Variants in TMC5 observed in about 807,000 individuals in gnomAD.
TMC5 encodes transmembrane channel like 5, also known as transmembrane channel-like protein 5.
Under a neutral mutation model 110.5 loss-of-function variants are expected in TMC5, and 86 were observed. The observed-to-expected ratio is 0.78, with a 90% CI of 0.65 to 0.93. TMC5 has a LOEUF of 0.93. TMC5 is among the 40% of genes least tolerant of loss of function. The pLI, the probability that TMC5 is intolerant of heterozygous loss-of-function variation, is 0.00. For missense variants in TMC5, 1,144 were observed against 1,222.8 expected, an observed-to-expected ratio of 0.94 and a Z score of 0.96; for synonymous variants, 455 against 439.5, an observed-to-expected ratio of 1.04 and a Z score of -0.44.
intron 14 of TMC5, among the ~76,000 whole-genome samples, chr16:19,480,182 CCATGTCAGTA>C (rs1426830461): frequency 1.3e-5 from 2 of 152,078 alleles, no homozygotes; most frequent in Non-Finnish European, 2.9e-5. Context: ...TGACATCTTT[CCATGTCAGTA>C]CATGTAGATT....
At chr16:19,416,588 T>C (rs1399334855), upstream of TMC5, among the ~76,000 whole-genome samples, 1 of 152,130 alleles carries the variant, frequency 6.6e-6, no homozygotes. Context: ...TGTAGGTTAA[T>C]GGGGAGGAAA....
chr16:19,460,106 T>G, intron 5 of TMC5, 129 bp from the exon 6 acceptor site: 1 of 572,824 alleles, frequency 1.7e-6, no homozygotes, highest in Non-Finnish European at 3.0e-6. Flanking sequence ...TTTTCCTTTG[T>G]GATCTTTGAG....
At position 19,448,149 on chromosome 16, in the gene TMC5, C is replaced by CAA. The variant is rs36050231; in HGVS notation, c.959-1376_959-1375dup. On this transcript the variant is annotated intron_variant, in intron 4 of 21. Transcript: ENST00000542583. ...CCAGCCTGTGTGACAGAGCAAGTCTCAAAAAAAAAAAAAAAAAAGAGTGGA... is the reference window on the plus strand; with the variant it reads ...CCAGCCTGTGTGACAGAGCAAGTCTCAAAAAAAAAAAAAAAAAAAAGAGTGGA... 1.4e-3 allele frequency among the ~76,000 whole-genome samples: 108 copies of CAA among 76,454 alleles called. 1 individual carries two copies. Among genetic ancestry groups the CAA allele is most frequent in the African/African-American group, 3.3e-3 (90 of 27,164 alleles). 50.2% of individuals were successfully genotyped at this position (76,454 alleles called of 152,430 possible). A position where few individuals can be genotyped will look rare whatever the true frequency, so the allele number is the denominator to read the frequency against.
At chr16:19,470,568 GA>G (rs1001069529) in intron 10 of TMC5, among the ~76,000 whole-genome samples, 1 of 151,962 alleles carries the variant, frequency 6.6e-6, no homozygotes, top group Non-Finnish European at 1.5e-5. Context: ...CAATTGGGAA[GA>G]GGGGTGCTCT....
chr16:19,449,723 A>G, intron 5 of TMC5, 92 bp downstream of exon 5: 2 of 1,140,244 alleles, frequency 1.8e-6, no homozygotes, highest in South Asian at 1.3e-5. Flanking sequence ...GTGGGAGGTG[A>G]TTGGATCATG....
At chr16:19,494,171 CG>C in intron 19 of TMC5, 90 bp from the exon 20 acceptor site, 1 of 1,007,454 alleles carries the variant, frequency 9.9e-7, no homozygotes, top group Non-Finnish European at 1.5e-6. Flanking sequence ...GCCTGAAAAC[CG>C]ACGTTCTTCC....
chr16:19,422,120 G>A (rs1041643569), intron 1 of TMC5, among the ~76,000 whole-genome samples: 7 of 151,320 alleles, frequency 4.6e-5, no homozygotes, highest in African/African-American at 1.5e-4. Flanking sequence ...AGTCCCAACT[G>A]CTCAGGAGGC....
At chr16:19,431,967 A>G (rs745621182) in intron 2 of TMC5, among the ~76,000 whole-genome samples, 4 of 152,132 alleles carry the variant, frequency 2.6e-5, no homozygotes, top group Non-Finnish European at 4.4e-5. Context: ...CATTATACAC[A>G]AAGCTTGGCC....
Position 19,439,466 on chromosome 16 carries a change from G to T in TMC5, c.-79-494G>T, listed in dbSNP as rs192659113. Reference sequence around the variant, plus strand: ...ATAACCAAGGGAATATATTGTTCAAGATGAAAGCTTAGTTGCATGTGTTAA... The same window carrying T: ...ATAACCAAGGGAATATATTGTTCAATATGAAAGCTTAGTTGCATGTGTTAA... On this transcript the variant is annotated intron_variant, in intron 2 of 21. Transcript: ENST00000542583. Among the ~76,000 whole-genome samples, 21 of 152,322 alleles carry T rather than the reference G, an allele frequency of 1.4e-4. No individual in the cohort carries two copies. In the East Asian group the frequency reaches 3.7e-3, roughly 27 times the overall value.
chr16:19,456,438 C>T, intron 5 of TMC5: 1 of 1,137,198 alleles, frequency 8.8e-7, no homozygotes, highest in East Asian at 4.4e-5. Context: ...GATTTCTTGC[C>T]TAGCTACCAA....
chr16:19,483,367 A>G lies in TMC5; in HGVS notation c.2363+1902A>G, dbSNP rs1196004290. Among the ~76,000 whole-genome samples the G allele has an allele frequency of 2.6e-5, 4 of 152,272 alleles. No homozygotes were observed. In the East Asian group the frequency reaches 7.7e-4, roughly 29 times the overall value. ...AGGTTCCATCTGATGGGGTGTTGCTAATTTGAAAGTATTGGATTTGGAACT... is the reference window on the plus strand; with the variant it reads ...AGGTTCCATCTGATGGGGTGTTGCTGATTTGAAAGTATTGGATTTGGAACT... On this transcript the variant is annotated intron_variant, in intron 15 of 21. Transcript: ENST00000542583.
In TMC5 at chr16:19,440,596, G is replaced by T. The variant is rs931698158; in HGVS notation, c.558G>T (p.Lys186Asn). The T allele has an allele frequency of 1.4e-5, 22 of 1,614,064 alleles. No individual in the cohort carries two copies. The highest frequency in any genetic ancestry group is 1.9e-5 in the Non-Finnish European group (22 of 1,180,044). Residue 186 changes from lysine (K) to asparagine (N), a missense_variant, in exon 3 of 22, where the codon AAG (lysine) becomes AAT (asparagine). By Grantham distance (94) the Lys-to-Asn change is moderately conservative. Coordinates refer to ENST00000542583, the MANE Select transcript of TMC5 (RefSeq NM_001261841.2). ...ATTTGAACCATCCAGGATCCAGAAA[G>T]AATCTGGAACATACAAGTTTTAGAA... ...RANLNHPGSRKNLEHTSFRIN... is the reference protein window; with the variant it reads ...RANLNHPGSRNNLEHTSFRIN...
At chr16:19,417,538 A>G (rs1966887917), upstream of TMC5, among the ~76,000 whole-genome samples, 1 of 150,444 alleles carries the variant, frequency 6.6e-6, no homozygotes. Context: ...CTCACACTCT[A>G]GGGTTAAAAA....
At chr16:19,472,758 T>C (rs575629663) in intron 11 of TMC5, among the ~76,000 whole-genome samples, 55 of 152,170 alleles carry the variant, frequency 3.6e-4, no homozygotes, top group Non-Finnish European at 7.1e-4. Context: ...CCCCAGGCCT[T>C]GCAGCTTACG....
intron 1 of TMC5, among the ~76,000 whole-genome samples, chr16:19,430,054 C>T (rs187193425): frequency 6.6e-6 from 1 of 152,208 alleles, no homozygotes; most frequent in African/African-American, 2.4e-5. Context: ...ACGGTATGAA[C>T]AGCATATGCC....
chr16:19,473,140 G>T (rs951882363), intron 11 of TMC5, among the ~76,000 whole-genome samples: 1 of 151,990 alleles, frequency 6.6e-6, no homozygotes, highest in Non-Finnish European at 1.5e-5. Flanking sequence ...GAGATCAGGA[G>T]TTTGAGACTA....
chr16:19,495,032 T>TTTTTTTTTTTTTTTTA (rs1969017921), intron 20 of TMC5, among the ~76,000 whole-genome samples: 1 of 22,208 alleles, frequency 4.5e-5, no homozygotes, highest in Admixed American at 3.2e-4. Flanking sequence ...TTTTTTTTTT[T>TTTTTTTTTTTTTTTTA]GAGACGGAGT....
chr16:19,488,080 T>C (rs1444822540), intron 17 of TMC5, among the ~76,000 whole-genome samples: 1 of 151,690 alleles, frequency 6.6e-6, no homozygotes, highest in Non-Finnish European at 1.5e-5. Flanking sequence ...TGGCCCAGAG[T>C]GTGAGAGCCT....
rs1346649702 is a variant in TMC5 at position 19,440,834 on chromosome 16, C to T, written c.788+8C>T. 1 of 1,608,728 alleles carries T rather than the reference C, an allele frequency of 6.2e-7. No individual in the cohort carries two copies. Among genetic ancestry groups the T allele is most frequent in the African/African-American group, 1.3e-5 (1 of 74,740 alleles). On this transcript the variant is annotated splice_region_variant and intron_variant, in intron 3 of 21. Transcript: ENST00000542583. ...CCCAAAGATGACCAGGGGGTAAGTT[C>T]AGATATATATCCCTTCACTGGGAGT... is the stretch of plus-strand genomic sequence containing the variant.
Sources: gnomAD v4.1 joint callset for allele counts (sites outside exome capture counted in the v4.1 genomes callset) on GRCh38, gnomAD v4.1.1 for gene constraint, MANE v1.5 for transcripts, NCBI Gene and HGNC (gene_info 2026-07-23, HGNC 2026-07-21) for gene names.